Variants in GLS observed in about 807,000 individuals in gnomAD.
GLS encodes glutaminase, also known as glutaminase kidney isoform, mitochondrial.
GLS carries 36 observed loss-of-function variants against 86.7 expected under a neutral mutation model. That is an observed-to-expected ratio of 0.42 (90% CI 0.32 to 0.55). GLS has a LOEUF of 0.55. GLS is among the 20% of genes least tolerant of loss of function. The pLI is 0.17. For synonymous variants in GLS, 317 were observed against 305.9 expected (o/e 1.04, Z -0.38); for missense variants, 528 against 833.4 (o/e 0.63, Z 4.51).
intron 17 of GLS, among the ~76,000 whole-genome samples, chr2:190,960,440 C>T (rs1353372070): frequency 6.8e-6 from 1 of 146,812 alleles, no homozygotes; most frequent in East Asian, 2.0e-4. Flanking sequence ...TCATAGTTCA[C>T]TGCAGCCTTA....
In GLS at chr2:190,920,422, A is replaced by G. The variant is rs1376651869; in HGVS notation, c.1039-602A>G. On this transcript the variant is annotated intron_variant, in intron 7 of 17. Transcript: ENST00000320717. The surrounding 1 kb of genome is among the most constrained non-coding windows in gnomAD (Gnocchi z 4.2). ...AAGCTAATTTTTTAGAGACTGTGAA[A>G]TATAATTTTTTTTAGTTCAAGTATA... Among the ~76,000 whole-genome samples, 1 of 151,924 alleles carries G rather than the reference A, an allele frequency of 6.6e-6. No individual in the cohort carries two copies. Among genetic ancestry groups the G allele is most frequent in the African/African-American group, 2.4e-5 (1 of 41,440 alleles).
At chr2:190,888,569 A>G (rs1045992531) in intron 1 of GLS, among the ~76,000 whole-genome samples, 1 of 152,216 alleles carries the variant, frequency 6.6e-6, no homozygotes, top group Non-Finnish European at 1.5e-5. Context: ...TCACTACTAC[A>G]ACTTCTCAGT....
intron 7 of GLS, among the ~76,000 whole-genome samples, chr2:190,916,667 G>A (rs1265072491): frequency 6.6e-6 from 1 of 152,130 alleles, no homozygotes; most frequent in Non-Finnish European, 1.5e-5. Flanking sequence ...AAATGAGGAA[G>A]TATGGGGGAG....
Position 190,913,490 on chromosome 2 carries a change from T to C in GLS, c.1038+3169T>C. 4 of 988,354 alleles carry C rather than the reference T, an allele frequency of 4.0e-6. No individual in the cohort carries two copies. The highest frequency in any genetic ancestry group is 4.9e-6 in the Non-Finnish European group (4 of 820,506). 61.2% of individuals were successfully genotyped at this position (988,354 alleles called of 1,614,324 possible). On this transcript the variant is annotated intron_variant, in intron 7 of 17. Transcript: ENST00000320717. The surrounding 1 kb of genome is among the most constrained non-coding windows in gnomAD (Gnocchi z 6.1). ...AGCTACTAACTTTAAAGGAATACTT[T>C]TTGTTGTAATCTGTTTTATTTGGGA...
At chr2:190,928,902 T>G (rs1416855598) in intron 12 of GLS, among the ~76,000 whole-genome samples, 1 of 131,868 alleles carries the variant, frequency 7.6e-6, no homozygotes, top group Admixed American at 7.5e-5. Flanking sequence ...GTTTTTTTTT[T>G]TTTTTTTTTT....
intron 1 of GLS, among the ~76,000 whole-genome samples, chr2:190,882,370 A>G (rs1688232721): frequency 6.6e-6 from 1 of 152,228 alleles, no homozygotes; most frequent in Non-Finnish European, 1.5e-5. Context: ...TTTCTTAAAC[A>G]ATATGCAAAG....
At chr2:190,901,850 G>T in intron 4 of GLS, 97 bp from the exon 5 acceptor site, 1 of 761,852 alleles carries the variant, frequency 1.3e-6, no homozygotes, top group Non-Finnish European at 2.4e-6. Flanking sequence ...ACTAGTCATT[G>T]GTAGAAGGTA....
At position 190,953,513 on chromosome 2, in the gene GLS, TTGTA is replaced by T; in HGVS notation, c.1651-48_1651-45del. ...ATCACTTGCCAGTGACAGGTGGACG[TTGTA>T]TGTGTTTTCTCTCTCCTAAGGATGC... On this transcript the variant is annotated intron_variant, in intron 14 of 17. Coordinates refer to ENST00000320717, the MANE Select transcript of GLS (RefSeq NM_014905.5). This position sits in a 1 kb window ranked among gnomAD's most constrained non-coding sequence, Gnocchi z 4.0. 1 of 1,151,118 alleles carries T rather than the reference TTGTA, an allele frequency of 8.7e-7. No homozygotes were observed. Among genetic ancestry groups the T allele is most frequent in the Non-Finnish European group, 1.3e-6 (1 of 758,618 alleles). The allele number at this position is 1,151,118 out of a possible 1,614,324, so 71.3% of individuals were successfully genotyped here.
intron 5 of GLS, among the ~76,000 whole-genome samples, chr2:190,903,832 G>C (rs1689037167): frequency 6.6e-6 from 1 of 152,022 alleles, no homozygotes; most frequent in Admixed American, 6.5e-5. Flanking sequence ...AATTTGATAG[G>C]AAAAAAATAT....
chr2:190,892,278 GAC>G (rs1314664605), intron 1 of GLS, among the ~76,000 whole-genome samples: 8 of 152,174 alleles, frequency 5.3e-5, no homozygotes, highest in Non-Finnish European at 1.0e-4. Flanking sequence ...AAACGAGAGA[GAC>G]AGTATAAGTT....
chr2:190,926,988 C>T, intron 11 of GLS: 1 of 187,742 alleles, frequency 5.3e-6, no homozygotes, highest in Non-Finnish European at 1.1e-5. Flanking sequence ...TTGTGTATTC[C>T]ACAGAAAGTA....
chr2:190,918,926 T>C (rs567849209), intron 7 of GLS, among the ~76,000 whole-genome samples: 13 of 152,198 alleles, frequency 8.5e-5, no homozygotes, highest in African/African-American at 2.9e-4. Context: ...ATAGGTTAAG[T>C]TGGCCATCTT....
At chr2:190,937,306 A>T (rs1292613657) in intron 14 of GLS, among the ~76,000 whole-genome samples, 2 of 151,180 alleles carry the variant, frequency 1.3e-5, no homozygotes, top group African/African-American at 4.8e-5. Flanking sequence ...GGGTTGGGGG[A>T]AGTTCTTTTA....
intron 1 of GLS, among the ~76,000 whole-genome samples, chr2:190,885,357 A>C (rs889531509): frequency 1.3e-5 from 2 of 151,902 alleles, no homozygotes; most frequent in African/African-American, 2.4e-5. Context: ...ATGCGTGGCT[A>C]ATTTTTGTTT....
At chr2:190,928,938 T>C (rs1690003538) in intron 12 of GLS, among the ~76,000 whole-genome samples, 1 of 140,544 alleles carries the variant, frequency 7.1e-6, no homozygotes, top group Non-Finnish European at 1.5e-5. Flanking sequence ...TTTGTTTAGT[T>C]TTGTGTAAAA....
intron 7 of GLS, among the ~76,000 whole-genome samples, chr2:190,912,773 G>A (rs1689406733): frequency 6.6e-6 from 1 of 152,112 alleles, no homozygotes; most frequent in Non-Finnish European, 1.5e-5. Context: ...TTTAATTTTA[G>A]TTAGCATAGT....
intron 1 of GLS, among the ~76,000 whole-genome samples, chr2:190,889,736 A>G (rs569721682): frequency 1.3e-4 from 20 of 152,212 alleles, no homozygotes; most frequent in African/African-American, 4.3e-4. Flanking sequence ...AAGTTGTGCA[A>G]ACGTATGGAC....
rs932934004 is a variant in GLS, at chr2:190,964,455, C to G, written c.*1469C>G. 1 of 152,126 alleles carries G rather than the reference C, an allele frequency of 6.6e-6. No individual in the cohort carries two copies. The highest frequency in any genetic ancestry group is 1.5e-5 in the Non-Finnish European group (1 of 68,022). 9.4% of individuals were successfully genotyped at this position (152,126 alleles called of 1,614,324 possible). ...TTTTTTTTCTTTTTCTATGAGCACA[C>G]TCTGCTGCTTCTAAACTTTACATGC... On this transcript the variant is annotated 3_prime_UTR_variant, in exon 18 of 18. Transcript: ENST00000320717. The surrounding 1 kb of genome is among the most constrained non-coding windows in gnomAD (Gnocchi z 5.2).
rs949322151 is a variant in GLS at position 190,913,997 on chromosome 2, GCCCAGGCTGGT to G, written c.1038+3681_1038+3691del. On this transcript the variant is annotated intron_variant, in intron 7 of 17. Transcript: ENST00000320717. This position sits in a 1 kb window ranked among gnomAD's most constrained non-coding sequence, Gnocchi z 6.1. Reference sequence around the variant, plus strand: ...TATAAAGCTAGGGTCTTGCCATATTGCCCAGGCTGGTCCCAAACTCCTGGCCTAAAGTGATC... The same window carrying G: ...TATAAAGCTAGGGTCTTGCCATATTGCCCAAACTCCTGGCCTAAAGTGATC... Among the ~76,000 whole-genome samples the G allele has an allele frequency of 2.2e-4, 34 of 152,020 alleles. No individual in the cohort carries two copies. Among genetic ancestry groups the G allele is most frequent in the Admixed American group, 6.6e-5 (1 of 15,246 alleles).
Sources: gnomAD v4.1 joint callset for allele counts (sites outside exome capture counted in the v4.1 genomes callset) on GRCh38, gnomAD v4.1.1 for gene constraint, Gnocchi (gnomAD v3.1) non-coding constraint, MANE v1.5 for transcripts, NCBI Gene and HGNC (gene_info 2026-07-23, HGNC 2026-07-21) for gene names.